The following FAT4 variants were observed in gnomAD, a reference collection of about 807,000 sequenced individuals.
FAT4 encodes protocadherin Fat 4.
A neutral mutation model predicts 303.9 loss-of-function variants in FAT4; 84 were observed. That is an observed-to-expected ratio of 0.28 (90% CI 0.23 to 0.33). The LOEUF is 0.33. Ranked by LOEUF, FAT4 falls within the 10% of genes least tolerant of loss-of-function variation. FAT4 has a pLI of 1.00. For missense variants in FAT4, 6,005 were observed against 6,146.8 expected, an observed-to-expected ratio of 0.98 and a Z score of 0.77; for synonymous variants, 2,307 against 2,298.8, an observed-to-expected ratio of 1.00 and a Z score of -0.10.
intron 5 of FAT4, among the ~76,000 whole-genome samples, chr4:125,412,673 A>G (rs979329049): frequency 1.3e-5 from 2 of 151,894 alleles, no homozygotes; most frequent in Non-Finnish European, 2.9e-5. Context: ...AGGAAGTAGC[A>G]TACATGATGG....
rs778393594 is a variant in FAT4 at position 125,321,069 on chromosome 4, C to T, written c.4658C>T (p.Ala1553Val). ...IGSVLTTIMA[A>V]DPDEGANGEI... The stretch of plus-strand genomic sequence containing the variant: ...TCCGTTCTGACAACAATTATGGCTG[C>T]TGACCCAGATGAAGGTGCTAATGGA... The change falls in exon 2 of 18, where the codon GCT becomes GTT. Residue 1553 changes from alanine to valine, a missense_variant. Coordinates refer to ENST00000394329, the MANE Select transcript of FAT4 (RefSeq NM_001291303.3). 2 of 1,614,154 alleles carry T rather than the reference C, an allele frequency of 1.2e-6. No individual in the cohort carries two copies. The highest frequency in any genetic ancestry group is 4.5e-5 in the East Asian group (2 of 44,886).
Position 125,408,475 on chromosome 4 carries a change from T to A in FAT4, c.5601T>A (p.Asp1867Glu), listed in dbSNP as rs767202796. 5 of 1,608,328 alleles carry A rather than the reference T, an allele frequency of 3.1e-6. No homozygotes were observed. The highest frequency in any genetic ancestry group is 3.4e-6 in the Non-Finnish European group (4 of 1,177,910). ...GSLVAAILAT[D>E]DDSGVNGEIT... The stretch of plus-strand genomic sequence containing the variant: ...TGGTAGCAGCCATTTTAGCCACGGA[T>A]GATGACTCTGGTGTGAATGGAGAAA... The change falls in exon 5 of 18, where the codon GAT becomes GAA. Residue 1867 changes from aspartate to glutamate, a missense_variant. Transcript: ENST00000394329.
chr4:125,468,635 A>T lies in FAT4; in HGVS notation c.12029A>T (p.His4010Leu). ...IYVKFATIKS[H>L]ALLLYNYDNQ... Reference sequence around the variant, plus strand: ...GTCAAATTTGCCACGATTAAAAGTCATGCCTTATTGCTTTACAACTATGAC... The same window carrying T: ...GTCAAATTTGCCACGATTAAAAGTCTTGCCTTATTGCTTTACAACTATGAC... Residue 4010 changes from histidine to leucine, a missense_variant, in exon 12 of 18, where the codon CAT (histidine) becomes CTT (leucine). His to Leu is a moderately conservative substitution (Grantham distance 99). Transcript: ENST00000394329. 6.2e-7 allele frequency: 1 copy of T among 1,614,162 alleles called. No individual in the cohort carries two copies. The highest frequency in any genetic ancestry group is 8.5e-7 in the Non-Finnish European group (1 of 1,180,024).
chr4:125,344,149 A>G (rs1325313095), intron 2 of FAT4, among the ~76,000 whole-genome samples: 3 of 152,200 alleles, frequency 2.0e-5, no homozygotes, highest in Non-Finnish European at 4.4e-5. Context: ...TCCAAAGCAT[A>G]TCCAAGAGAG....
chr4:125,415,139 T>C lies in FAT4; in HGVS notation c.6176T>C (p.Ile2059Thr). 1 of 1,614,050 alleles carries C rather than the reference T, an allele frequency of 6.2e-7. No homozygotes were observed. Among genetic ancestry groups the C allele is most frequent in the South Asian group, 1.1e-5 (1 of 91,080 alleles). The change falls in exon 6 of 18, where the codon ATT (isoleucine) becomes ACT (threonine). Residue 2059 changes from isoleucine (I) to threonine (T), a missense_variant. By Grantham distance (89) the Ile-to-Thr change is moderately conservative (BLOSUM62 -1). Transcript: ENST00000394329. Reference protein sequence around the residue: ...PTFLSPKLTYIPENTPIDTVV... With the variant: ...PTFLSPKLTYTPENTPIDTVV... ...TTTCTTTCCCCTAAATTGACATACA[T>C]TCCAGAAAATACACCTATTGATACT... is the stretch of plus-strand genomic sequence containing the variant.
chr4:125,447,564 G>A (rs141226105), intron 9 of FAT4, among the ~76,000 whole-genome samples: 1 of 152,200 alleles, frequency 6.6e-6, no homozygotes, highest in Non-Finnish European at 1.5e-5. Context: ...TATGTAAAAT[G>A]AGGTATGCTT....
chr4:125,440,912 TATACTC>T (rs1269560209), intron 8 of FAT4, among the ~76,000 whole-genome samples: 2 of 152,160 alleles, frequency 1.3e-5, no homozygotes, highest in East Asian at 3.9e-4. Context: ...TCCCCTCTCT[TATACTC>T]AATCAGTGGA....
intron 2 of FAT4, among the ~76,000 whole-genome samples, chr4:125,358,516 C>A (rs1176649250): frequency 6.6e-6 from 1 of 151,996 alleles, no homozygotes; most frequent in Non-Finnish European, 1.5e-5. Flanking sequence ...TCATAAGGAG[C>A]GTGCAACTTA....
In FAT4 at chr4:125,450,270, A is replaced by G. The variant is rs1454088978; in HGVS notation, c.9260A>G (p.His3087Arg). Residue 3087 changes from histidine to arginine, a missense_variant, in exon 10 of 18, where the codon CAT (histidine) becomes CGT (arginine). Physicochemically the swap from His to Arg is conservative, Grantham distance 29. Coordinates refer to ENST00000394329, the MANE Select transcript of FAT4 (RefSeq NM_001291303.3). ...ATAACTGTCACTGAGGAAAACTACC[A>G]TACACCTGAATTCTCTCAAAGCCAC... ...VHITVTEENY[H>R]TPEFSQSHMS... The G allele has an allele frequency of 1.5e-5, 25 of 1,613,946 alleles. No individual in the cohort carries two copies. The highest frequency in any genetic ancestry group is 1.9e-5 in the Non-Finnish European group (22 of 1,180,004).
rs766955774 is a variant in FAT4, at chr4:125,449,378, G to A, written c.8368G>A (p.Gly2790Arg). ...CCATGTTCCTGAAAATTCCCCCTTA[G>A]GATACACAGTTACCCGTGTCACAAC... is the stretch of plus-strand genomic sequence containing the variant. ...SAHVPENSPL[G>R]YTVTRVTTSD... The change falls in exon 10 of 18, where the codon GGA becomes AGA. Residue 2790 changes from glycine to arginine, a missense_variant. Gly to Arg is a moderately radical substitution (Grantham distance 125). Transcript: ENST00000394329. The A allele has an allele frequency of 3.1e-6, 5 of 1,613,632 alleles. No homozygotes were observed. In the South Asian group the frequency reaches 5.5e-5, roughly 18 times the overall value.
intron 3 of FAT4, among the ~76,000 whole-genome samples, chr4:125,404,114 G>C (rs918510572): frequency 6.6e-6 from 1 of 152,134 alleles, no homozygotes; most frequent in East Asian, 1.9e-4. Flanking sequence ...CATCTCTCTA[G>C]TTCAGAATTT....
At chr4:125,346,264 G>A (rs976420500) in intron 2 of FAT4, among the ~76,000 whole-genome samples, 1 of 152,074 alleles carries the variant, frequency 6.6e-6, no homozygotes, top group African/African-American at 2.4e-5. Flanking sequence ...AAATGTGAGG[G>A]ATTAAAAATA....
rs1216483197 is a variant in FAT4 at position 125,449,695 on chromosome 4, G to T, written c.8685G>T (p.Gln2895His). Residue 2895 changes from glutamine (Q) to histidine (H), a missense_variant, in exon 10 of 18, where the codon CAG becomes CAT. Gln to His is a conservative substitution (Grantham distance 24). Transcript: ENST00000394329. ...CTGAGATTGGCTCCAAAGTAACTCA[G>T]GTATTTGCAACAGATCCTGATGAGG... Reference protein sequence around the residue: ...ELTEIGSKVTQVFATDPDEGS... With the variant: ...ELTEIGSKVTHVFATDPDEGS... The T allele has an allele frequency of 7.4e-6, 12 of 1,613,908 alleles. No homozygotes were observed. In the South Asian group the frequency reaches 1.3e-4, roughly 18 times the overall value.
chr4:125,437,148 C>G (rs1304091392), intron 8 of FAT4, among the ~76,000 whole-genome samples: 1 of 151,956 alleles, frequency 6.6e-6, no homozygotes, highest in African/African-American at 2.4e-5. Context: ...AGCCACCATG[C>G]CTGGCCGACA....
At chr4:125,379,841 A>G (rs904662295) in intron 2 of FAT4, among the ~76,000 whole-genome samples, 18 of 151,752 alleles carry the variant, frequency 1.2e-4, no homozygotes, top group Admixed American at 8.5e-4. Context: ...AAACACACAC[A>G]TATATATGTA....
intron 8 of FAT4, among the ~76,000 whole-genome samples, chr4:125,442,373 T>TA: frequency 6.6e-6 from 1 of 152,234 alleles, no homozygotes; most frequent in African/African-American, 2.4e-5. Flanking sequence ...GGATTTTTTT[T>TA]AACCTACTTA....
At chr4:125,342,696 C>A (rs1198642352) in intron 2 of FAT4, among the ~76,000 whole-genome samples, 1 of 151,514 alleles carries the variant, frequency 6.6e-6, no homozygotes, top group Non-Finnish European at 1.5e-5. Context: ...TAGACGTCAT[C>A]ATATATGTTT....
chr4:125,358,394 T>C (rs1732518564), intron 2 of FAT4, among the ~76,000 whole-genome samples: 5 of 152,112 alleles, frequency 3.3e-5, no homozygotes, highest in Admixed American at 3.3e-4. Context: ...GAAATAGTTA[T>C]ACAACTCATC....
chr4:125,437,174 A>G (rs1303417005), intron 8 of FAT4, among the ~76,000 whole-genome samples: 2 of 152,018 alleles, frequency 1.3e-5, no homozygotes, highest in Non-Finnish European at 2.9e-5. Flanking sequence ...GGATTATTAC[A>G]ATTCAGGGTG....
Sources: gnomAD v4.1 joint callset for allele counts (sites outside exome capture counted in the v4.1 genomes callset) on GRCh38, gnomAD v4.1.1 for gene constraint, MANE v1.5 for transcripts, NCBI Gene and HGNC (gene_info 2026-07-23, HGNC 2026-07-21) for gene names.